The following TBCD variants were observed in gnomAD, a reference collection of about 807,000 sequenced individuals.
The protein encoded by TBCD is tubulin folding cofactor D.
A neutral mutation model predicts 169.3 loss-of-function variants in TBCD; 105 were observed. The observed-to-expected ratio is 0.62, with a 90% CI of 0.53 to 0.73. The LOEUF is 0.73. Among genes scored for constraint, TBCD ranks in the 30% least tolerant of loss-of-function variants. The pLI is 0.00. For missense variants in TBCD, 1,444 were observed against 1,600.1 expected (o/e 0.90, Z 1.66); for synonymous variants, 700 against 643.9 (o/e 1.09, Z -1.32).
At chr17:82,897,185 C>A (rs1360443265) in intron 17 of TBCD, among the ~76,000 whole-genome samples, 1 of 152,092 alleles carries the variant, frequency 6.6e-6, no homozygotes, top group African/African-American at 2.4e-5. Context: ...CTTTCCCTTT[C>A]AGTATCCTGT....
intron 14 of TBCD, among the ~76,000 whole-genome samples, chr17:82,870,759 G>C (rs372368840): frequency 6.6e-6 from 1 of 152,270 alleles, no homozygotes; most frequent in South Asian, 2.1e-4. Flanking sequence ...AGTGGGGCAC[G>C]GGAATCGCCT....
chr17:82,812,523 G>A (rs1406558602), intron 12 of TBCD, among the ~76,000 whole-genome samples: 1 of 152,188 alleles, frequency 6.6e-6, no homozygotes, highest in Admixed American at 6.5e-5. Flanking sequence ...ACTGATGCAG[G>A]TGTGAGCAGA....
Position 82,936,194 on chromosome 17 carries a change from CTCTT to C in TBCD, c.3192-1075_3192-1072del, listed in dbSNP as rs1218676346. On this transcript the variant is annotated intron_variant, in intron 34 of 38. Coordinates refer to ENST00000355528, the MANE Select transcript of TBCD (RefSeq NM_005993.5). Reference sequence around the variant, plus strand: ...CAATTTTCACACGTCTTTTCCCTCTCTCTTTGCTTCATTACCTTTGGCCCGCCTG... The same window carrying C: ...CAATTTTCACACGTCTTTTCCCTCTCTGCTTCATTACCTTTGGCCCGCCTG... Among the ~76,000 whole-genome samples the C allele has an allele frequency of 6.6e-5, 10 of 152,346 alleles. No homozygotes were observed. The East Asian group carries it at 1.5e-3, about 24-fold the overall frequency.
At chr17:82,776,764 A>G (rs2048625421) in intron 6 of TBCD, among the ~76,000 whole-genome samples, 1 of 152,102 alleles carries the variant, frequency 6.6e-6, no homozygotes, top group Non-Finnish European at 1.5e-5. Flanking sequence ...AGGACACGAG[A>G]GTGGTGTTGG....
Position 82,920,343 on chromosome 17 carries a change from C to T in TBCD, c.2039-213C>T. ...CACGTGGCTGGGTCTGCAGCACTTT[C>T]TTCAGGCTGCTCAGCGGAGGAGGCG... is the stretch of plus-strand genomic sequence containing the variant. On this transcript the variant is annotated intron_variant, in intron 23 of 38. Transcript: ENST00000355528. The surrounding 1 kb of genome is among the most constrained non-coding windows in gnomAD (Gnocchi z 4.1). 1.7e-6 allele frequency: 1 copy of T among 599,160 alleles called. No homozygotes were observed. The highest frequency in any genetic ancestry group is 3.1e-5 in the Admixed American group (1 of 32,076). 37.1% of individuals were successfully genotyped at this position (599,160 alleles called of 1,614,324 possible).
Position 82,930,141 on chromosome 17 carries a change from G to A in TBCD, c.2992-381G>A, listed in dbSNP as rs1435923306. ...TCTGCGCCGTGCGGGCGCGTGCGGG[G>A]AGACCCGGGCCACATGCGAGCGGGG... On this transcript the variant is annotated intron_variant, in intron 32 of 38. Transcript: ENST00000355528. The surrounding 1 kb of genome is among the most constrained non-coding windows in gnomAD (Gnocchi z 5.2). 2 of 288,686 alleles carry A rather than the reference G, an allele frequency of 6.9e-6. No individual in the cohort carries two copies. The highest frequency in any genetic ancestry group is 8.0e-5 in the South Asian group (2 of 24,890). The allele number at this position is 288,686 out of a possible 1,614,324, so 17.9% of individuals were successfully genotyped here. A position where few individuals can be genotyped will look rare whatever the true frequency, so the allele number is the denominator to read the frequency against.
At chr17:82,859,252 T>A (rs893321935) in intron 13 of TBCD, among the ~76,000 whole-genome samples, 5 of 146,458 alleles carry the variant, frequency 3.4e-5, no homozygotes, top group African/African-American at 5.2e-5. Context: ...TCGTCTGGCC[T>A]GCCGGCTCTG....
At chr17:82,865,767 G>C (rs1198921466) in intron 13 of TBCD, among the ~76,000 whole-genome samples, 1 of 152,238 alleles carries the variant, frequency 6.6e-6, no homozygotes, top group Admixed American at 6.5e-5. Context: ...TTTGTGCAGA[G>C]AATGCCTGGA....
At chr17:82,769,095 A>G (rs1234834760) in intron 5 of TBCD, among the ~76,000 whole-genome samples, 1 of 152,234 alleles carries the variant, frequency 6.6e-6, no homozygotes, top group African/African-American at 2.4e-5. Context: ...TGTTTGACAC[A>G]CATTTATCCT....
chr17:82,885,696 C>T (rs2058667316), intron 15 of TBCD, among the ~76,000 whole-genome samples: 1 of 152,008 alleles, frequency 6.6e-6, no homozygotes, highest in Non-Finnish European at 1.5e-5. Context: ...TCATGGGAAG[C>T]AGTAATAAAA....
At position 82,890,702 on chromosome 17, in the gene TBCD, C is replaced by T. The variant is rs911885776; in HGVS notation, c.1563+1005C>T. Reference sequence around the variant, plus strand: ...ACTACTTCTTGCTGGCCCGAGGCAGCCGAGGCCCACCCAGCATCCTTGGGG... The same window carrying T: ...ACTACTTCTTGCTGGCCCGAGGCAGTCGAGGCCCACCCAGCATCCTTGGGG... On this transcript the variant is annotated intron_variant, in intron 16 of 38. Transcript: ENST00000355528. This position sits in a 1 kb window ranked among gnomAD's most constrained non-coding sequence, Gnocchi z 5.3. Among the ~76,000 whole-genome samples the T allele has an allele frequency of 2.6e-5, 4 of 152,132 alleles. No individual in the cohort carries two copies. The highest frequency in any genetic ancestry group is 5.9e-5 in the Non-Finnish European group (4 of 68,032).
At chr17:82,927,118 G>C in intron 28 of TBCD, 68 bp from the exon 29 acceptor site, 1 of 1,594,142 alleles carries the variant, frequency 6.3e-7, no homozygotes, top group South Asian at 1.2e-5. Context: ...ACACACATCA[G>C]CCCTCTGCGA....
chr17:82,770,599 C>CA (rs1351025159), intron 5 of TBCD, among the ~76,000 whole-genome samples: 1,669 of 90,276 alleles, frequency 0.018, 24 homozygotes, highest in African/African-American at 0.046. Context: ...AACTCCGTCT[C>CA]AAAAAAAAAA....
chr17:82,849,185 T>C (rs1470067666), intron 13 of TBCD, among the ~76,000 whole-genome samples: 6 of 96,816 alleles, frequency 6.2e-5, no homozygotes, highest in African/African-American at 9.3e-5. Context: ...GCCTGCTGCG[T>C]CTTCTCACCT....
At chr17:82,755,324 A>C (rs1264776993) in intron 1 of TBCD, among the ~76,000 whole-genome samples, 2 of 152,242 alleles carry the variant, frequency 1.3e-5, no homozygotes, top group African/African-American at 4.8e-5. Flanking sequence ...AAGGTACCAG[A>C]CTTAGTTAAT....
rs200708068 is a variant in TBCD, at chr17:82,938,079, C to G, written c.3312C>G (p.Asp1104Glu). The stretch of plus-strand genomic sequence containing the variant: ...GCGAGATGGTGCAGTTCCCCGGCGA[C>G]GTGAGGAGGCAGGCCCTCCTGCAGC... ...VFCEMVQFPG[D>E]VRRQALLQLC... Residue 1104 changes from aspartate (D) to glutamate (E), a missense_variant, in exon 36 of 39, where the codon GAC becomes GAG. Coordinates refer to ENST00000355528, the MANE Select transcript of TBCD (RefSeq NM_005993.5). 5 of 1,612,934 alleles carry G rather than the reference C, an allele frequency of 3.1e-6. No homozygotes were observed. The highest frequency in any genetic ancestry group is 2.2e-5 in the South Asian group (2 of 91,082).
chr17:82,790,714 C>T (rs189970259), intron 7 of TBCD, among the ~76,000 whole-genome samples: 34 of 152,304 alleles, frequency 2.2e-4, no homozygotes, highest in East Asian at 1.7e-3. Context: ...TGTCTCTGCC[C>T]GTTCTTCCTT....
At chr17:82,819,923 T>G (rs1415844286) in intron 13 of TBCD, among the ~76,000 whole-genome samples, 1 of 152,158 alleles carries the variant, frequency 6.6e-6, no homozygotes, top group Non-Finnish European at 1.5e-5. Flanking sequence ...TACGGTTTCC[T>G]TTGTTGGATA....
At chr17:82,788,912 T>C (rs938857092) in intron 7 of TBCD, among the ~76,000 whole-genome samples, 3 of 152,220 alleles carry the variant, frequency 2.0e-5, no homozygotes, top group Non-Finnish European at 4.4e-5. Flanking sequence ...CAGTCAGTCT[T>C]TGAAGATGAA....
Sources: allele counts gnomAD v4.1 joint callset (sites outside exome capture counted in the v4.1 genomes callset), GRCh38; gene constraint gnomAD v4.1.1; non-coding constraint Gnocchi (gnomAD v3.1); transcripts MANE v1.5; gene names NCBI Gene and HGNC (gene_info 2026-07-23, HGNC 2026-07-21).